Variants in SEPTIN9 observed in about 807,000 individuals in gnomAD.
SEPTIN9 encodes the protein septin-9.
Under a neutral mutation model 56.6 loss-of-function variants are expected in SEPTIN9, and 13 were observed. The observed-to-expected ratio is 0.23, with a 90% CI of 0.15 to 0.37. The LOEUF is 0.37. Among genes scored for constraint, SEPTIN9 ranks in the 10% least tolerant of loss-of-function variants. The pLI is 1.00. For synonymous variants in SEPTIN9, 332 were observed against 334.1 expected (o/e 0.99, Z 0.07); for missense variants, 650 against 823.1 (o/e 0.79, Z 2.57).
chr17:77,407,144 A>C (rs2036110179), intron 3 of SEPTIN9, among the ~76,000 whole-genome samples: 1 of 151,936 alleles, frequency 6.6e-6, no homozygotes, highest in Non-Finnish European at 1.5e-5. Flanking sequence ...TTAGCCAGGC[A>C]TGATAGCATG....
In SEPTIN9 at chr17:77,319,557, T is replaced by C. The variant is rs2032828290; in HGVS notation, c.76+12360T>C. ...ACTAATGGGACGGAGGGGGGTGACT[T>C]CTCAGGGTTCCTCCTGGGCAGGTGC... On this transcript the variant is annotated intron_variant, in intron 2 of 11. Coordinates refer to ENST00000427177, the MANE Select transcript of SEPTIN9 (RefSeq NM_001113491.2). The surrounding 1 kb of genome is among the most constrained non-coding windows in gnomAD (Gnocchi z 5.3). The C allele has an allele frequency of 1.9e-6, 2 of 1,054,684 alleles. No individual in the cohort carries two copies. Among genetic ancestry groups the C allele is most frequent in the Non-Finnish European group, 2.3e-6 (2 of 872,698 alleles). The allele number at this position is 1,054,684 out of a possible 1,614,324, so 65.3% of individuals were successfully genotyped here. A position where few individuals can be genotyped will look rare whatever the true frequency, so the allele number is the denominator to read the frequency against.
chr17:77,391,517 C>A (rs1228136304), intron 2 of SEPTIN9, among the ~76,000 whole-genome samples: 4 of 152,208 alleles, frequency 2.6e-5, no homozygotes, highest in Non-Finnish European at 5.9e-5. Flanking sequence ...TTAGGGCCCA[C>A]TAAATTCAGA....
chr17:77,428,852 A>G (rs1300857616), intron 3 of SEPTIN9: 2 of 393,928 alleles, frequency 5.1e-6, no homozygotes, highest in African/African-American at 4.2e-5. Context: ...CCATGGGTTC[A>G]GAAGCTGATA....
intron 2 of SEPTIN9, among the ~76,000 whole-genome samples, chr17:77,349,308 G>T (rs2033985062): frequency 6.6e-6 from 1 of 152,110 alleles, no homozygotes; most frequent in Non-Finnish European, 1.5e-5. Flanking sequence ...GTAGAGATGG[G>T]ATTTCACCAT....
chr17:77,321,301 T>C (rs1450181947), intron 2 of SEPTIN9, among the ~76,000 whole-genome samples: 1 of 151,762 alleles, frequency 6.6e-6, no homozygotes, highest in Non-Finnish European at 1.5e-5. Flanking sequence ...TATGTGTGTG[T>C]TGGGGGGTCC....
rs1452424288 is a variant in SEPTIN9, at chr17:77,475,212, T to C, written c.722-6932T>C. 1 of 1,245,788 alleles carries C rather than the reference T, an allele frequency of 8.0e-7. No homozygotes were observed. Among genetic ancestry groups the C allele is most frequent in the African/African-American group, 1.5e-5 (1 of 66,406 alleles). The allele number at this position is 1,245,788 out of a possible 1,614,324, so 77.2% of individuals were successfully genotyped here. A position where few individuals can be genotyped will look rare whatever the true frequency, so the allele number is the denominator to read the frequency against. ...TCACAAACCCTGTGTGGGGGGGTTG[T>C]GGTGAGAGGAAACCGCACACATCAT... On this transcript the variant is annotated intron_variant, in intron 3 of 11. Transcript: ENST00000427177. This position sits in a 1 kb window ranked among gnomAD's most constrained non-coding sequence, Gnocchi z 4.6.
chr17:77,397,260 G>A (rs1010812155), intron 2 of SEPTIN9, among the ~76,000 whole-genome samples: 7 of 152,136 alleles, frequency 4.6e-5, no homozygotes, highest in African/African-American at 9.7e-5. Context: ...TCCAGCTTGC[G>A]TTGGCCCAGG....
At position 77,435,322 on chromosome 17, in the gene SEPTIN9, G is replaced by A. The variant is rs189474814; in HGVS notation, c.721+32619G>A. Reference sequence around the variant, plus strand: ...GGAGTGCAGTGACTTGGCCAGCTTCGCACGGCAGGTTAGTGGCAGAGCTGA... The same window carrying A: ...GGAGTGCAGTGACTTGGCCAGCTTCACACGGCAGGTTAGTGGCAGAGCTGA... On this transcript the variant is annotated intron_variant, in intron 3 of 11. Coordinates refer to ENST00000427177, the MANE Select transcript of SEPTIN9 (RefSeq NM_001113491.2). The surrounding 1 kb of genome is among the most constrained non-coding windows in gnomAD (Gnocchi z 4.5). Among the ~76,000 whole-genome samples the A allele has an allele frequency of 2.3e-3, 345 of 152,214 alleles. 8 individuals carry two copies. In the South Asian group the frequency reaches 0.055, roughly 24 times the overall value.
intron 2 of SEPTIN9, among the ~76,000 whole-genome samples, chr17:77,396,611 G>GAC (rs1385361401): frequency 6.6e-6 from 1 of 152,142 alleles, no homozygotes; most frequent in Admixed American, 6.5e-5. Context: ...GACCGTGTGT[G>GAC]ACTGCAGGAC....
At chr17:77,299,018 G>T (rs1002355451) in intron 1 of SEPTIN9, among the ~76,000 whole-genome samples, 1 of 152,172 alleles carries the variant, frequency 6.6e-6, no homozygotes, top group Non-Finnish European at 1.5e-5. Context: ...TCTGCATCCT[G>T]ATGATACCTA....
intron 2 of SEPTIN9, among the ~76,000 whole-genome samples, chr17:77,316,294 C>T (rs375460015): frequency 1.3e-4 from 20 of 152,338 alleles, no homozygotes; most frequent in African/African-American, 4.8e-4. Context: ...ACCACCTCTG[C>T]ACTCGCCTCC....
Position 77,445,535 on chromosome 17 carries a change from TGTGTGC to T in SEPTIN9, c.722-36605_722-36600del. Reference sequence around the variant, plus strand: ...GCATGTGTGCACGCACGTGTGTGTGTGTGTGCGTGCGTGCTGGGTGGGTAGGGAGGA... The same window carrying T: ...GCATGTGTGCACGCACGTGTGTGTGTGTGCGTGCTGGGTGGGTAGGGAGGA... On this transcript the variant is annotated intron_variant, in intron 3 of 11. Transcript: ENST00000427177. The surrounding 1 kb of genome is among the most constrained non-coding windows in gnomAD (Gnocchi z 4.7). 2.5e-6 allele frequency: 1 copy of T among 402,628 alleles called. No homozygotes were observed. The highest frequency in any genetic ancestry group is 2.1e-5 in the African/African-American group (1 of 48,240). The allele number at this position is 402,628 out of a possible 1,614,324, so 24.9% of individuals were successfully genotyped here.
chr17:77,361,639 C>CT lies in SEPTIN9; in HGVS notation c.77-40409dup, dbSNP rs1414582082. Among the ~76,000 whole-genome samples, 1,149 of 144,888 alleles carry CT rather than the reference C, an allele frequency of 7.9e-3. 6 individuals are homozygous for CT. Among genetic ancestry groups the CT allele is most frequent in the Non-Finnish European group, 0.011 (728 of 65,606 alleles). ...GGTCAGTTTTCTTTTCTTTTCTTTT[C>CT]TTTTTTTTTTTGAGATGGAGTCTCG... On this transcript the variant is annotated intron_variant, in intron 2 of 11. Transcript: ENST00000427177.
chr17:77,499,387 C>G lies in SEPTIN9; in HGVS notation c.*729C>G, dbSNP rs760306831. On this transcript the variant is annotated 3_prime_UTR_variant, in exon 12 of 12. Transcript: ENST00000427177. Reference sequence around the variant, plus strand: ...CCTGCCATCCCCCTCTCACGCCACCCCCGCCCCCACCGGGCTGCAGGTGCT... The same window carrying G: ...CCTGCCATCCCCCTCTCACGCCACCGCCGCCCCCACCGGGCTGCAGGTGCT... 1.8e-6 allele frequency: 1 copy of G among 550,000 alleles called. No homozygotes were observed. Among genetic ancestry groups the G allele is most frequent in the South Asian group, 1.5e-5 (1 of 66,368 alleles). The allele number at this position is 550,000 out of a possible 1,614,324, so 34.1% of individuals were successfully genotyped here.
intron 3 of SEPTIN9, chr17:77,444,697 G>A (rs2037669692): frequency 1.1e-5 from 2 of 190,244 alleles, no homozygotes; most frequent in South Asian, 8.2e-5. Flanking sequence ...AGAACCAGCT[G>A]GTGCGTGTCA....
intron 3 of SEPTIN9, among the ~76,000 whole-genome samples, chr17:77,406,392 G>GTGTT (rs1208524782): frequency 3.3e-5 from 5 of 151,700 alleles, no homozygotes; most frequent in Non-Finnish European, 7.4e-5. Context: ...CAAATACCTC[G>GTGTT]TGTTTGGCTT....
intron 3 of SEPTIN9, among the ~76,000 whole-genome samples, chr17:77,404,801 C>T (rs1471611716): frequency 2.6e-5 from 4 of 152,096 alleles, no homozygotes; most frequent in African/African-American, 7.2e-5. Context: ...CCTCAGTGTG[C>T]GAGTCCCGTG....
chr17:77,342,184 A>G (rs2143762894), intron 2 of SEPTIN9, among the ~76,000 whole-genome samples: 1 of 152,352 alleles, frequency 6.6e-6, no homozygotes, highest in South Asian at 2.1e-4. Flanking sequence ...TCAAACTCCT[A>G]CACAGAGACA....
At chr17:77,415,236 C>T (rs1187938877) in intron 3 of SEPTIN9, among the ~76,000 whole-genome samples, 1 of 152,062 alleles carries the variant, frequency 6.6e-6, no homozygotes, top group African/African-American at 2.4e-5. Flanking sequence ...TGCCTCTGGG[C>T]GCAGCAGGCA....
Sources: allele counts gnomAD v4.1 joint callset (sites outside exome capture counted in the v4.1 genomes callset), GRCh38; gene constraint gnomAD v4.1.1; non-coding constraint Gnocchi (gnomAD v3.1); transcripts MANE v1.5; gene names NCBI Gene and HGNC (gene_info 2026-07-23, HGNC 2026-07-21).